The following ANTXR1 variants were observed in gnomAD, a reference collection of about 807,000 sequenced individuals.
ANTXR1 encodes the protein ANTXR cell adhesion molecule 1.
In ANTXR1, 19 loss-of-function variants were observed where a neutral mutation model predicts 78.1. That is an observed-to-expected ratio of 0.24 (90% CI 0.17 to 0.36). The LOEUF (loss-of-function observed/expected upper bound fraction) is 0.36. Among genes scored for constraint, ANTXR1 ranks in the 10% least tolerant of loss-of-function variants. ANTXR1 has a pLI of 1.00. For synonymous variants in ANTXR1, 273 were observed against 260.5 expected (o/e 1.05, Z -0.46); for missense variants, 518 against 718.6 (o/e 0.72, Z 3.19).
chr2:69,094,947 T>C (rs1671350991), intron 9 of ANTXR1, among the ~76,000 whole-genome samples: 1 of 152,216 alleles, frequency 6.6e-6, no homozygotes, highest in South Asian at 2.1e-4. Context: ...ATAGTTGTCT[T>C]GCTCCCCAAC....
At chr2:69,218,508 C>G (rs919599447) in intron 17 of ANTXR1, among the ~76,000 whole-genome samples, 3 of 152,156 alleles carry the variant, frequency 2.0e-5, no homozygotes, top group Non-Finnish European at 4.4e-5. Context: ...GTAGTTAGCC[C>G]TTTTCACTGG....
chr2:69,086,467 A>T (rs1316579754), intron 8 of ANTXR1, among the ~76,000 whole-genome samples: 1 of 152,246 alleles, frequency 6.6e-6, no homozygotes, highest in East Asian at 1.9e-4. Context: ...ATCCAATGAG[A>T]TGTACAAAAG....
At chr2:69,127,927 A>G (rs1345680357) in intron 12 of ANTXR1, among the ~76,000 whole-genome samples, 1 of 152,130 alleles carries the variant, frequency 6.6e-6, no homozygotes, top group Non-Finnish European at 1.5e-5. Flanking sequence ...TGTGACCTTA[A>G]TAAGTTGTTT....
chr2:69,091,482 T>G, intron 9 of ANTXR1, among the ~76,000 whole-genome samples: 1 of 150,324 alleles, frequency 6.7e-6, no homozygotes, highest in South Asian at 2.1e-4. Flanking sequence ...TTATCTTCTT[T>G]CATGGGACCT....
At chr2:69,054,394 T>C (rs1341324569) in intron 3 of ANTXR1, among the ~76,000 whole-genome samples, 1 of 152,182 alleles carries the variant, frequency 6.6e-6, no homozygotes, top group Non-Finnish European at 1.5e-5. Context: ...AGAAAACAGT[T>C]CCCCGAGGCA....
intron 12 of ANTXR1, among the ~76,000 whole-genome samples, chr2:69,146,682 A>G (rs570883705): frequency 4.6e-5 from 7 of 152,364 alleles, no homozygotes; most frequent in Non-Finnish European, 7.3e-5. Flanking sequence ...CAGAAGGATC[A>G]TGGAGAATGA....
intron 1 of ANTXR1, among the ~76,000 whole-genome samples, chr2:69,029,610 G>A (rs1271114926): frequency 3.3e-5 from 5 of 151,570 alleles, no homozygotes; most frequent in South Asian, 4.1e-4. Context: ...TCAGACTGGC[G>A]TTAGTTTTTT....
At chr2:69,126,656 G>A (rs1672550248) in intron 12 of ANTXR1, among the ~76,000 whole-genome samples, 1 of 151,764 alleles carries the variant, frequency 6.6e-6, no homozygotes, top group African/African-American at 2.4e-5. Context: ...AGTGGGAAGG[G>A]AAGACATCTC....
chr2:69,136,366 A>G (rs1672909832), intron 12 of ANTXR1, among the ~76,000 whole-genome samples: 1 of 152,198 alleles, frequency 6.6e-6, no homozygotes, highest in Non-Finnish European at 1.5e-5. Context: ...TCACACTTTA[A>G]AAAAAGCAGT....
At chr2:69,018,991 G>C (rs1481374174) in intron 1 of ANTXR1, among the ~76,000 whole-genome samples, 1 of 152,222 alleles carries the variant, frequency 6.6e-6, no homozygotes, top group Non-Finnish European at 1.5e-5. Flanking sequence ...AAATGCTCCA[G>C]AGATCTAGGG....
Position 69,245,519 on chromosome 2 carries a change from A to G in ANTXR1, c.*34A>G. The G allele has an allele frequency of 6.2e-7, 1 of 1,612,832 alleles. No individual in the cohort carries two copies. Reference sequence around the variant, plus strand: ...GTTCCTGCTCTGGGCTCTCTCAGAAACTTCAGGAGATGTTAGAACAAGTCT... The same window carrying G: ...GTTCCTGCTCTGGGCTCTCTCAGAAGCTTCAGGAGATGTTAGAACAAGTCT... On this transcript the variant is annotated 3_prime_UTR_variant, in exon 18 of 18. Transcript: ENST00000303714.
intron 13 of ANTXR1, among the ~76,000 whole-genome samples, chr2:69,159,660 A>C (rs1212639661): frequency 6.6e-6 from 1 of 152,106 alleles, no homozygotes; most frequent in Non-Finnish European, 1.5e-5. Flanking sequence ...ATTTTTTTTC[A>C]GTATTTTGGG....
rs1457583727 is a variant in ANTXR1 at position 69,096,279 on chromosome 2, A to G, written c.703+5360A>G. Among the ~76,000 whole-genome samples, 4 of 11,054 alleles carry G rather than the reference A, an allele frequency of 3.6e-4. 1 individual carries two copies. The highest frequency in any genetic ancestry group is 2.7e-3 in the African/African-American group (4 of 1,468). 7.3% of individuals were successfully genotyped at this position (11,054 alleles called of 152,430 possible). ...TCAAAAGGAAGGAAGGAAGGAAGGAAGGAAGGAAGGGAGGAAGGGAGGAAG... is the reference window on the plus strand; with the variant it reads ...TCAAAAGGAAGGAAGGAAGGAAGGAGGGAAGGAAGGGAGGAAGGGAGGAAG... On this transcript the variant is annotated intron_variant, in intron 9 of 17. Coordinates refer to ENST00000303714, the MANE Select transcript of ANTXR1 (RefSeq NM_032208.3).
At chr2:69,015,397 CA>C (rs1168304821) in intron 1 of ANTXR1, among the ~76,000 whole-genome samples, 1 of 151,040 alleles carries the variant, frequency 6.6e-6, no homozygotes, top group Non-Finnish European at 1.5e-5. Flanking sequence ...TGGTAAAGGC[CA>C]AAGAATAGGT....
chr2:69,120,391 T>C (rs548385176), intron 10 of ANTXR1, among the ~76,000 whole-genome samples: 1 of 152,222 alleles, frequency 6.6e-6, no homozygotes, highest in Non-Finnish European at 1.5e-5. Context: ...TTGGGCCGGG[T>C]GCGGTGGCTC....
chr2:69,231,150 T>C (rs2104521248), intron 17 of ANTXR1, among the ~76,000 whole-genome samples: 1 of 152,386 alleles, frequency 6.6e-6, no homozygotes, highest in East Asian at 1.9e-4. Context: ...TTCTTTTTTA[T>C]GGCTGCATAG....
intron 12 of ANTXR1, among the ~76,000 whole-genome samples, chr2:69,135,380 A>G (rs1392224556): frequency 2.0e-5 from 3 of 152,240 alleles, no homozygotes; most frequent in African/African-American, 7.2e-5. Flanking sequence ...ACTAGAAGTT[A>G]AATCAAAATA....
At chr2:69,198,243 T>C (rs768309084) in intron 17 of ANTXR1, among the ~76,000 whole-genome samples, 4 of 152,204 alleles carry the variant, frequency 2.6e-5, no homozygotes, top group Non-Finnish European at 4.4e-5. Context: ...ATTAGCCCCC[T>C]ATGAAACGCC....
chr2:69,181,382 G>A (rs964564273), intron 14 of ANTXR1, among the ~76,000 whole-genome samples: 8 of 152,348 alleles, frequency 5.3e-5, no homozygotes, highest in Admixed American at 5.2e-4. Flanking sequence ...CATCTCTGCT[G>A]TGGTGTTGTT....
Sources: gnomAD v4.1 joint callset for allele counts (sites outside exome capture counted in the v4.1 genomes callset) on GRCh38, gnomAD v4.1.1 for gene constraint, MANE v1.5 for transcripts, NCBI Gene and HGNC (gene_info 2026-07-23, HGNC 2026-07-21) for gene names.